RBFOX1: variants seen among roughly 807,000 people sequenced by gnomAD.
The protein encoded by RBFOX1 is RNA binding protein fox-1 homolog 1.
RBFOX1 carries 8 observed loss-of-function variants against 57.7 expected under a neutral mutation model. That is an observed-to-expected ratio of 0.14 (90% confidence interval 0.08 to 0.25). The LOEUF is 0.25. Ranked by LOEUF, RBFOX1 falls within the 10% of genes least tolerant of loss-of-function variation. RBFOX1 has a pLI of 1.00. For synonymous variants in RBFOX1, 326 were observed against 222.4 expected (o/e 1.47, Z -4.15); for missense variants, 611 against 548.5 (o/e 1.11, Z -1.14).
intron 2 of RBFOX1, among the ~76,000 whole-genome samples, chr16:5,542,158 G>A (rs186686484): frequency 7.9e-5 from 12 of 152,006 alleles, no homozygotes; most frequent in Non-Finnish European, 1.3e-4. Flanking sequence ...AAGAGTAATC[G>A]ACTCTGTATA....
intron 4 of RBFOX1, among the ~76,000 whole-genome samples, chr16:7,073,300 A>G (rs568802411): frequency 1.3e-5 from 2 of 152,302 alleles, no homozygotes; most frequent in South Asian, 4.1e-4. Flanking sequence ...TTTTCAGAAA[A>G]TGTCAGCCAA....
At chr16:7,599,764 C>T (rs1287815996) in intron 9 of RBFOX1, among the ~76,000 whole-genome samples, 2 of 148,946 alleles carry the variant, frequency 1.3e-5, no homozygotes, top group Admixed American at 1.3e-4. Flanking sequence ...TCCCTGGTAG[C>T]TGGGACTACA....
At chr16:7,655,474 T>C (rs1430988931) in intron 12 of RBFOX1, among the ~76,000 whole-genome samples, 1 of 152,256 alleles carries the variant, frequency 6.6e-6, no homozygotes, top group African/African-American at 2.4e-5. Flanking sequence ...TTTGTATGTC[T>C]TAAGCCTTTT....
chr16:7,158,518 T>A (rs1431552642), intron 4 of RBFOX1, among the ~76,000 whole-genome samples: 1 of 152,124 alleles, frequency 6.6e-6, no homozygotes, highest in Non-Finnish European at 1.5e-5. Context: ...TGTATGTTTG[T>A]CTGTGTGATG....
intron 3 of RBFOX1, among the ~76,000 whole-genome samples, chr16:6,780,500 T>G (rs866008261): frequency 9.0e-6 from 1 of 110,876 alleles, no homozygotes; most frequent in Non-Finnish European, 1.7e-5. Context: ...ATATACATTT[T>G]TATATATTTA....
intron 1 of RBFOX1, among the ~76,000 whole-genome samples, chr16:6,057,774 G>C (rs753561002): frequency 6.8e-6 from 1 of 147,592 alleles, no homozygotes; most frequent in African/African-American, 2.5e-5. Context: ...TTCTCATTTT[G>C]CCAAGCCCCC....
intron 4 of RBFOX1, among the ~76,000 whole-genome samples, chr16:7,363,864 G>A (rs1192022325): frequency 6.6e-6 from 1 of 152,066 alleles, no homozygotes; most frequent in Non-Finnish European, 1.5e-5. Context: ...GGGGAGGGAC[G>A]GGGCTGCTTA....
intron 4 of RBFOX1, among the ~76,000 whole-genome samples, chr16:7,099,239 G>A (rs1183710240): frequency 6.6e-6 from 1 of 152,150 alleles, no homozygotes; most frequent in East Asian, 1.9e-4. Flanking sequence ...GAATGAGGGA[G>A]GGTAGATACA....
intron 1 of RBFOX1, among the ~76,000 whole-genome samples, chr16:6,074,873 G>A (rs1420825945): frequency 6.6e-6 from 1 of 152,112 alleles, no homozygotes; most frequent in East Asian, 1.9e-4. Flanking sequence ...GGCTGAGGTG[G>A]TAGGACTGCT....
chr16:6,423,764 TC>T (rs1351122607), intron 2 of RBFOX1, among the ~76,000 whole-genome samples: 1 of 151,982 alleles, frequency 6.6e-6, no homozygotes, highest in Non-Finnish European at 1.5e-5. Flanking sequence ...AGATGAGAGT[TC>T]AGCTACGACG....
At chr16:6,431,372 T>C (rs2094078700) in intron 2 of RBFOX1, among the ~76,000 whole-genome samples, 1 of 151,752 alleles carries the variant, frequency 6.6e-6, no homozygotes, top group South Asian at 2.1e-4. Context: ...GAAAAGTCTT[T>C]CCACAAGCCC....
intron 3 of RBFOX1, among the ~76,000 whole-genome samples, chr16:6,789,717 A>G (rs1359709149): frequency 2.6e-5 from 4 of 151,942 alleles, no homozygotes; most frequent in Non-Finnish European, 5.9e-5. Context: ...ATGTCTTCGA[A>G]TTTTCACAGT....
rs536368327 is a variant in RBFOX1 at position 6,819,106 on chromosome 16, G to C, written c.-16+164456G>C. Among the ~76,000 whole-genome samples, 7 of 152,292 alleles carry C rather than the reference G, an allele frequency of 4.6e-5. No homozygotes were observed. In the South Asian group the frequency reaches 1.5e-3, roughly 32 times the overall value. ...CAAACACCACAGACTTCCGGTTTCA[G>C]GATCCAACAATTTCCATGTGGGCTA... On this transcript the variant is annotated intron_variant, in intron 3 of 15. Coordinates refer to ENST00000550418, the MANE Select transcript of RBFOX1 (RefSeq NM_018723.4).
intron 3 of RBFOX1, among the ~76,000 whole-genome samples, chr16:5,842,721 G>A (rs973869701): frequency 2.0e-5 from 3 of 152,168 alleles, no homozygotes; most frequent in Non-Finnish European, 2.9e-5. Flanking sequence ...AAGGCAATGG[G>A]TTAGTCCCAT....
chr16:6,781,977 A>G (rs1306863299), intron 3 of RBFOX1, among the ~76,000 whole-genome samples: 1 of 152,034 alleles, frequency 6.6e-6, no homozygotes, highest in Non-Finnish European at 1.5e-5. Flanking sequence ...GTTCTTTAAG[A>G]TGCAGTTTTA....
rs140804206 is a variant in RBFOX1, at chr16:6,214,097, G to C, written c.-126-102898G>C. ...AGTGTTTCTTTCACTCCAAGAGCAT[G>C]AGTGGGTGCCTTGTTCCTAGTTCCT... On this transcript the variant is annotated intron_variant, in intron 1 of 15. Transcript: ENST00000550418. Among the ~76,000 whole-genome samples, 46 of 152,316 alleles carry C rather than the reference G, an allele frequency of 3.0e-4. No homozygotes were observed. The East Asian group carries it at 8.9e-3, about 29-fold the overall frequency.
intron 4 of RBFOX1, among the ~76,000 whole-genome samples, chr16:7,350,424 C>T (rs1336564301): frequency 6.6e-6 from 1 of 152,148 alleles, no homozygotes; most frequent in Admixed American, 6.5e-5. Context: ...AATCAGCAGC[C>T]AGGTCCCATT....
chr16:6,946,081 C>T (rs1304758969), intron 3 of RBFOX1, among the ~76,000 whole-genome samples: 1 of 152,194 alleles, frequency 6.6e-6, no homozygotes, highest in Non-Finnish European at 1.5e-5. Context: ...CCCCAGCAAC[C>T]TTCAATGGGT....
chr16:7,293,052 T>A (rs1159412957), intron 4 of RBFOX1, among the ~76,000 whole-genome samples: 1 of 152,076 alleles, frequency 6.6e-6, no homozygotes, highest in Non-Finnish European at 1.5e-5. Context: ...TTAATCAAAG[T>A]CGAGGGCACT....
Sources: gnomAD v4.1 joint callset for allele counts (sites outside exome capture counted in the v4.1 genomes callset) on GRCh38, gnomAD v4.1.1 for gene constraint, MANE v1.5 for transcripts, NCBI Gene and HGNC (gene_info 2026-07-23, HGNC 2026-07-21) for gene names.